Variants in PHKB observed in about 807,000 individuals in gnomAD.
PHKB encodes phosphorylase kinase regulatory subunit beta, also known as phosphorylase b kinase regulatory subunit beta.
In PHKB, 122 loss-of-function variants were observed where a neutral mutation model predicts 152.1. The ratio of observed to expected loss-of-function variants is 0.80; its 90% CI spans 0.69 to 0.93. The LOEUF (loss-of-function observed/expected upper bound fraction) is 0.93. Among genes scored for constraint, PHKB ranks in the 40% least tolerant of loss-of-function variants. The pLI, the probability that PHKB is intolerant of heterozygous loss-of-function variation, is 0.00. For missense variants in PHKB, 1,304 were observed against 1,328.4 expected (o/e 0.98, Z 0.29); for synonymous variants, 436 against 464.9 (o/e 0.94, Z 0.80).
intron 20 of PHKB, among the ~76,000 whole-genome samples, chr16:47,652,948 G>A (rs1327378853): frequency 2.0e-5 from 3 of 151,636 alleles, no homozygotes; most frequent in South Asian, 2.1e-4. Flanking sequence ...CAACCTCATT[G>A]TGGCTTTGAT....
intron 7 of PHKB, chr16:47,565,928 AC>A: frequency 9.8e-7 from 1 of 1,018,438 alleles, no homozygotes; most frequent in Non-Finnish European, 1.5e-6. Flanking sequence ...TTTGTGGGGG[AC>A]CTCTATCATC....
At chr16:47,693,086 T>C (rs1974090224) in intron 27 of PHKB, among the ~76,000 whole-genome samples, 1 of 152,226 alleles carries the variant, frequency 6.6e-6, no homozygotes, top group African/African-American at 2.4e-5. Flanking sequence ...AGGGAGCTGC[T>C]CTGTATACTT....
intron 4 of PHKB, among the ~76,000 whole-genome samples, chr16:47,510,201 T>C (rs1970486895): frequency 6.6e-6 from 1 of 152,146 alleles, no homozygotes; most frequent in Admixed American, 6.5e-5. Flanking sequence ...CCTCCAGACA[T>C]CATCATCTAG....
intron 16 of PHKB, among the ~76,000 whole-genome samples, chr16:47,642,343 A>T (rs1973040030): frequency 6.6e-6 from 1 of 152,212 alleles, no homozygotes; most frequent in South Asian, 2.1e-4. Context: ...GGATGGAATT[A>T]AAAGGTGACA....
intron 6 of PHKB, among the ~76,000 whole-genome samples, chr16:47,517,496 A>G (rs1258894006): frequency 6.6e-6 from 1 of 152,108 alleles, no homozygotes; most frequent in Admixed American, 6.5e-5. Flanking sequence ...GGCTCAAGCA[A>G]TCAGCCCACC....
chr16:47,516,815 C>A (rs1970606134), intron 6 of PHKB, among the ~76,000 whole-genome samples: 1 of 151,540 alleles, frequency 6.6e-6, no homozygotes, highest in Non-Finnish European at 1.5e-5. Context: ...TTAATAATAC[C>A]CAGTATGGTT....
chr16:47,465,745 G>T (rs116486004), intron 1 of PHKB, among the ~76,000 whole-genome samples: 3,401 of 152,156 alleles, frequency 0.022, 126 homozygotes, highest in African/African-American at 0.076. Context: ...ACTCTGAGTG[G>T]TTTGCATTTA....
intron 1 of PHKB, among the ~76,000 whole-genome samples, chr16:47,484,496 C>T (rs918419948): frequency 2.0e-5 from 3 of 152,014 alleles, no homozygotes; most frequent in Non-Finnish European, 4.4e-5. Context: ...TATGCATATA[C>T]AAATAATTTT....
intron 26 of PHKB, among the ~76,000 whole-genome samples, chr16:47,682,685 T>C (rs543070376): frequency 6.6e-6 from 1 of 152,366 alleles, no homozygotes; most frequent in East Asian, 1.9e-4. Context: ...TCACAGTTTT[T>C]AACTTCTTTG....
intron 4 of PHKB, among the ~76,000 whole-genome samples, chr16:47,509,153 T>G (rs1970467857): frequency 6.6e-6 from 1 of 152,188 alleles, no homozygotes; most frequent in Admixed American, 6.5e-5. Flanking sequence ...TACCTATTTT[T>G]TATATAGGAG....
chr16:47,530,204 C>T (rs944946837), intron 6 of PHKB, among the ~76,000 whole-genome samples: 4 of 147,920 alleles, frequency 2.7e-5, no homozygotes, highest in South Asian at 2.2e-4. Flanking sequence ...GGCATGATCT[C>T]GGCTTACTGC....
intron 7 of PHKB, among the ~76,000 whole-genome samples, chr16:47,569,441 T>A (rs1971621369): frequency 6.6e-6 from 1 of 152,224 alleles, no homozygotes. Context: ...ATGTTTGGTC[T>A]GTGTTTTTTA....
At chr16:47,480,320 G>A (rs1969942408) in intron 1 of PHKB, among the ~76,000 whole-genome samples, 1 of 152,174 alleles carries the variant, frequency 6.6e-6, no homozygotes, top group African/African-American at 2.4e-5. Context: ...TTGCTTAAAG[G>A]TCTTTGTGGA....
At chr16:47,509,090 C>A (rs1970466714) in intron 4 of PHKB, among the ~76,000 whole-genome samples, 1 of 152,168 alleles carries the variant, frequency 6.6e-6, no homozygotes, top group South Asian at 2.1e-4. Flanking sequence ...ACTGATAAAA[C>A]CTTATCCTTT....
At chr16:47,496,468 T>G (rs1970234398) in intron 1 of PHKB, among the ~76,000 whole-genome samples, 1 of 152,144 alleles carries the variant, frequency 6.6e-6, no homozygotes, top group Non-Finnish European at 1.5e-5. Context: ...AAACAGAATC[T>G]TAATCTGTGC....
At chr16:47,691,892 G>A (rs530717791) in intron 27 of PHKB, among the ~76,000 whole-genome samples, 1 of 152,166 alleles carries the variant, frequency 6.6e-6, no homozygotes, top group African/African-American at 2.4e-5. Flanking sequence ...GTTGTCCTAC[G>A]AAGTATCTCC....
rs182994652 is a variant in PHKB, at chr16:47,603,697, G to T, written c.1364-7129G>T. On this transcript the variant is annotated intron_variant, in intron 13 of 30. Transcript: ENST00000323584. ...TTTTTGTATTTTTATTGGAGGCGGGGTTTCACCATGTTGCCCAGGCTGGTC... is the reference window on the plus strand; with the variant it reads ...TTTTTGTATTTTTATTGGAGGCGGGTTTTCACCATGTTGCCCAGGCTGGTC... Among the ~76,000 whole-genome samples the T allele has an allele frequency of 4.7e-3, 709 of 152,028 alleles. 3 individuals are homozygous for T. Among genetic ancestry groups the T allele is most frequent in the Non-Finnish European group, 7.2e-3 (487 of 67,964 alleles).
chr16:47,534,627 A>G (rs1294391145), intron 6 of PHKB, among the ~76,000 whole-genome samples: 1 of 152,212 alleles, frequency 6.6e-6, no homozygotes. Flanking sequence ...GAGAAACAGG[A>G]TTTATACATA....
In PHKB at chr16:47,661,725, A is replaced by C; in HGVS notation, c.2203A>C (p.Ser735Arg). 9.9e-6 allele frequency: 16 copies of C among 1,609,646 alleles called. No homozygotes were observed. Among genetic ancestry groups the C allele is most frequent in the African/African-American group, 1.3e-5 (1 of 74,910 alleles). ...CCGTGATTTATATTTTCAGGATTGC[A>C]GTTGTCTGGCTAGCCAAGCCATCCT... Reference protein sequence around the residue: ...HEILQKLNDCSCLASQAILLG... With the variant: ...HEILQKLNDCRCLASQAILLG... The change falls in exon 23 of 31, where the codon AGT (serine) becomes CGT (arginine). Residue 735 changes from serine to arginine, a missense_variant. Transcript: ENST00000323584.
Sources: allele counts gnomAD v4.1 joint callset (sites outside exome capture counted in the v4.1 genomes callset), GRCh38; gene constraint gnomAD v4.1.1; transcripts MANE v1.5; gene names NCBI Gene and HGNC (gene_info 2026-07-23, HGNC 2026-07-21).